The following TAFA1 variants were observed in gnomAD, a reference collection of about 807,000 sequenced individuals.
TAFA1 encodes the protein chemokine-like protein TAFA-1.
TAFA1 carries 4 observed loss-of-function variants against 18.5 expected under a neutral mutation model. That is an observed-to-expected ratio of 0.22 (90% confidence interval 0.11 to 0.49). The LOEUF is 0.49. Ranked by LOEUF, TAFA1 falls within the 20% of genes least tolerant of loss-of-function variation. The pLI, the probability that TAFA1 is intolerant of heterozygous loss-of-function variation, is 0.98. For missense variants in TAFA1, 147 were observed against 169.0 expected, an observed-to-expected ratio of 0.87 and a Z score of 0.72; for synonymous variants, 56 against 55.2, an observed-to-expected ratio of 1.01 and a Z score of -0.06.
At chr3:68,323,338 G>A (rs1012514380) in intron 2 of TAFA1, among the ~76,000 whole-genome samples, 7 of 152,164 alleles carry the variant, frequency 4.6e-5, no homozygotes, top group Admixed American at 3.3e-4. Context: ...ATAGATTCAC[G>A]TGGCCAGAAC....
intron 2 of TAFA1, among the ~76,000 whole-genome samples, chr3:68,084,951 T>G (rs973039904): frequency 6.6e-6 from 1 of 152,200 alleles, no homozygotes; most frequent in African/African-American, 2.4e-5. Flanking sequence ...TTAGAGTCAC[T>G]GCTGTATGTA....
intron 2 of TAFA1, among the ~76,000 whole-genome samples, chr3:68,328,081 G>A (rs574633126): frequency 4.6e-5 from 7 of 151,936 alleles, no homozygotes; most frequent in Admixed American, 2.6e-4. Context: ...TGAATCTGTT[G>A]GTATAAAAAC....
intron 2 of TAFA1, among the ~76,000 whole-genome samples, chr3:68,254,165 C>G (rs1377140441): frequency 1.6e-4 from 25 of 151,636 alleles, no homozygotes; most frequent in East Asian, 7.9e-4. Context: ...ATCTGTCTAT[C>G]TATCTATCTA....
chr3:68,191,490 C>T (rs1174337027), intron 2 of TAFA1, among the ~76,000 whole-genome samples: 1 of 151,718 alleles, frequency 6.6e-6, no homozygotes, highest in Non-Finnish European at 1.5e-5. Flanking sequence ...AAAAGTGTAT[C>T]CAATTATTTT....
chr3:68,544,391 G>T, intron 4 of TAFA1, 95 bp from the exon 5 acceptor site: 1 of 1,273,452 alleles, frequency 7.9e-7, no homozygotes, highest in Non-Finnish European at 1.1e-6. Flanking sequence ...ACATCCTAAA[G>T]ATTCAAGGTG....
chr3:68,037,321 C>A (rs1311977559), intron 2 of TAFA1, among the ~76,000 whole-genome samples: 1 of 152,070 alleles, frequency 6.6e-6, no homozygotes, highest in Non-Finnish European at 1.5e-5. Context: ...GAGGAAAGGA[C>A]CAGATGTGCA....
intron 2 of TAFA1, among the ~76,000 whole-genome samples, chr3:68,367,379 G>A (rs1575809116): frequency 6.6e-6 from 1 of 152,154 alleles, no homozygotes; most frequent in East Asian, 1.9e-4. Context: ...TAATAATCTT[G>A]CAGTGGTGAG....
At chr3:68,205,087 C>T (rs1190819498) in intron 2 of TAFA1, among the ~76,000 whole-genome samples, 1 of 151,714 alleles carries the variant, frequency 6.6e-6, no homozygotes, top group African/African-American at 2.4e-5. Flanking sequence ...GAAAATGAAC[C>T]ATGACTTTTA....
At chr3:68,167,930 A>G (rs2066004638) in intron 2 of TAFA1, among the ~76,000 whole-genome samples, 1 of 152,124 alleles carries the variant, frequency 6.6e-6, no homozygotes, top group South Asian at 2.1e-4. Flanking sequence ...AAGCTTAAAA[A>G]CAGGAGAACC....
chr3:68,381,268 C>T (rs1303078706), intron 2 of TAFA1, among the ~76,000 whole-genome samples: 4 of 151,360 alleles, frequency 2.6e-5, no homozygotes, highest in African/African-American at 9.7e-5. Context: ...TTTTTGGTTC[C>T]ATATGAACTT....
intron 2 of TAFA1, among the ~76,000 whole-genome samples, chr3:68,191,188 C>G (rs2066335858): frequency 6.6e-6 from 1 of 151,748 alleles, no homozygotes; most frequent in South Asian, 2.1e-4. Flanking sequence ...TTTTTAAATT[C>G]TGTGGTAAAC....
intron 2 of TAFA1, among the ~76,000 whole-genome samples, chr3:68,110,032 A>G (rs953101601): frequency 2.0e-5 from 3 of 152,140 alleles, no homozygotes; most frequent in Non-Finnish European, 4.4e-5. Context: ...TTTGCTACAT[A>G]GGTAAACGTG....
intron 2 of TAFA1, among the ~76,000 whole-genome samples, chr3:68,365,048 C>T (rs902503782): frequency 6.6e-6 from 1 of 152,040 alleles, no homozygotes; most frequent in Non-Finnish European, 1.5e-5. Context: ...CTGAAAGACT[C>T]GTTTATTGGA....
At chr3:68,479,344 T>C (rs2072180747) in intron 3 of TAFA1, among the ~76,000 whole-genome samples, 2 of 151,728 alleles carry the variant, frequency 1.3e-5, no homozygotes, top group South Asian at 2.1e-4. Flanking sequence ...TACACATATT[T>C]CCACTCTGTA....
chr3:68,304,585 T>C (rs1382304859), intron 2 of TAFA1, among the ~76,000 whole-genome samples: 2 of 152,210 alleles, frequency 1.3e-5, no homozygotes, highest in African/African-American at 4.8e-5. Context: ...GCCATTCCTA[T>C]GGTACCTAGG....
At chr3:68,307,930 G>C (rs975610935) in intron 2 of TAFA1, among the ~76,000 whole-genome samples, 4 of 152,046 alleles carry the variant, frequency 2.6e-5, no homozygotes, top group African/African-American at 9.7e-5. Context: ...TAATATGACT[G>C]TTTAAGCCTT....
chr3:68,120,248 T>TCTTTC (rs2065382186), intron 2 of TAFA1, among the ~76,000 whole-genome samples: 1 of 102,930 alleles, frequency 9.7e-6, no homozygotes, highest in African/African-American at 3.7e-5. Context: ...TTTCTTTCTT[T>TCTTTC]CTTTCTTTCT....
chr3:68,528,477 G>A (rs756681802), intron 3 of TAFA1, among the ~76,000 whole-genome samples: 1 of 152,166 alleles, frequency 6.6e-6, no homozygotes, highest in Non-Finnish European at 1.5e-5. Flanking sequence ...TGCAGGGAAG[G>A]TTATCCAATG....
chr3:68,024,834 A>ACACACACACTC (rs33967574), intron 2 of TAFA1, among the ~76,000 whole-genome samples: 1 of 139,392 alleles, frequency 7.2e-6, no homozygotes, highest in Non-Finnish European at 1.6e-5. Flanking sequence ...CACACACACA[A>ACACACACACTC]TTATACATTG....
Sources: gnomAD v4.1 joint callset for allele counts (sites outside exome capture counted in the v4.1 genomes callset) on GRCh38, gnomAD v4.1.1 for gene constraint, MANE v1.5 for transcripts, NCBI Gene and HGNC (gene_info 2026-07-23, HGNC 2026-07-21) for gene names.